C10orf143: variants seen among roughly 807,000 people sequenced by gnomAD.
The protein encoded by C10orf143 is uncharacterized protein C10orf143.
chr10:130,108,824 A>T (rs937718873), intron 1 of C10orf143, among the ~76,000 whole-genome samples: 23 of 152,332 alleles, frequency 1.5e-4, no homozygotes, highest in African/African-American at 5.5e-4. Flanking sequence ...AATAAATTTT[A>T]GTTGATTAAA....
intron 3 of C10orf143, among the ~76,000 whole-genome samples, chr10:130,069,083 G>A (rs1246972683): frequency 6.6e-6 from 1 of 152,118 alleles, no homozygotes; most frequent in Non-Finnish European, 1.5e-5. Context: ...AACCCAAAGG[G>A]ATCCACACCT....
chr10:130,051,192 G>T (rs1397895601), intron 3 of C10orf143, among the ~76,000 whole-genome samples: 1 of 151,898 alleles, frequency 6.6e-6, no homozygotes, highest in Admixed American at 6.6e-5. Flanking sequence ...AACGGTGACC[G>T]TTGTGCTCAC....
chr10:130,038,826 T>C (rs1209056014), intron 3 of C10orf143, among the ~76,000 whole-genome samples: 1 of 152,150 alleles, frequency 6.6e-6, no homozygotes, highest in Non-Finnish European at 1.5e-5. Flanking sequence ...CGACTGTGTA[T>C]GCTTTTTCCT....
chr10:130,061,116 A>G (rs1032190732), downstream of C10orf143, among the ~76,000 whole-genome samples: 1 of 152,196 alleles, frequency 6.6e-6, no homozygotes, highest in African/African-American at 2.4e-5. Context: ...CAGCCTGGGT[A>G]ACAGGAGTGG....
chr10:130,087,883 C>G (rs1283540016), intron 1 of C10orf143, among the ~76,000 whole-genome samples: 1 of 152,208 alleles, frequency 6.6e-6, no homozygotes, highest in Non-Finnish European at 1.5e-5. Flanking sequence ...AGCCTCCGCT[C>G]TGGGCTCAAG....
At chr10:130,063,452 A>AGTCATAGCTCTGGGATCTTACCC (rs1401502329), downstream of C10orf143, among the ~76,000 whole-genome samples, 1 of 152,154 alleles carries the variant, frequency 6.6e-6, no homozygotes, top group African/African-American at 2.4e-5. Flanking sequence ...TTTTTGATCG[A>AGTCATAGCTCTGGGATCTTACCC]GTCATAGCTC....
Position 130,110,757 on chromosome 10 carries a change from G to A in C10orf143, c.16C>T (p.Leu6Phe), listed in dbSNP as rs368762619. MDSLA[L>F]GRWRQRRAED... ...GCCCTCCGCTGTCGCCAGCGGCCGA[G>A]CGCTAAGCTGTCCATGCAGCCCCAG... The change falls in exon 1 of 4, where the codon CTC becomes TTC. Residue 6 changes from leucine (L) to phenylalanine (F), a missense_variant. Leu to Phe is a conservative substitution (Grantham distance 22). Transcript: ENST00000637128. The A allele has an allele frequency of 5.3e-5, 21 of 398,974 alleles. No homozygotes were observed. The East Asian group carries it at 5.3e-4, about 10-fold the overall frequency. The allele number at this position is 398,974 out of a possible 1,614,324, so 24.7% of individuals were successfully genotyped here. A position where few individuals can be genotyped will look rare whatever the true frequency, so the allele number is the denominator to read the frequency against.
chr10:130,035,359 T>C (rs2134716685), intron 4 of C10orf143, among the ~76,000 whole-genome samples: 1 of 152,306 alleles, frequency 6.6e-6, no homozygotes, highest in South Asian at 2.1e-4. Context: ...AAAGACCTCA[T>C]TTAACCTTTG....
chr10:130,064,450 T>C (rs1441904570), intron 3 of C10orf143, 67 bp from the exon 4 acceptor site: 1 of 398,208 alleles, frequency 2.5e-6, no homozygotes, highest in Non-Finnish European at 4.4e-6. Context: ...ACCTTGGCTA[T>C]ATATACATTT....
In C10orf143 at chr10:130,110,767, G is replaced by A; in HGVS notation, c.6C>T (p.Asp2=). The part of the protein sequence containing the change: M[D]SLALGRWRQR... ...GTCGCCAGCGGCCGAGCGCTAAGCTGTCCATGCAGCCCCAGGGTCAAACCC... is the reference window on the plus strand; with the variant it reads ...GTCGCCAGCGGCCGAGCGCTAAGCTATCCATGCAGCCCCAGGGTCAAACCC... Residue 2 remains aspartate (D), a synonymous_variant, in exon 1 of 4, where the codon GAC becomes GAT. Coordinates refer to ENST00000637128, the MANE Select transcript of C10orf143 (RefSeq NM_001355042.2). 2.5e-6 allele frequency: 1 copy of A among 398,962 alleles called. No homozygotes were observed. The highest frequency in any genetic ancestry group is 3.6e-5 in the East Asian group (1 of 28,066). The allele number at this position is 398,962 out of a possible 1,614,324, so 24.7% of individuals were successfully genotyped here.
chr10:130,042,735 G>A (rs1006692770), intron 3 of C10orf143, among the ~76,000 whole-genome samples: 9 of 152,228 alleles, frequency 5.9e-5, no homozygotes, highest in African/African-American at 2.2e-4. Context: ...CGTCTGGAGA[G>A]CCTATATTCG....
intron 1 of C10orf143, among the ~76,000 whole-genome samples, chr10:130,094,796 A>C (rs1209430267): frequency 6.6e-6 from 1 of 152,228 alleles, no homozygotes; most frequent in Non-Finnish European, 1.5e-5. Context: ...AGCTGGAAGC[A>C]TTCCCTTTGA....
intron 1 of C10orf143, chr10:130,108,294 A>G (rs552448018): frequency 1.3e-6 from 2 of 1,569,118 alleles, no homozygotes; most frequent in South Asian, 1.1e-5. Flanking sequence ...GCAATGAGAA[A>G]TGTCTATCCA....
At chr10:130,085,745 G>C (rs562750782) in intron 1 of C10orf143, among the ~76,000 whole-genome samples, 1 of 151,734 alleles carries the variant, frequency 6.6e-6, no homozygotes, top group East Asian at 1.9e-4. Flanking sequence ...CAACCTTTCT[G>C]TATGTCTAAA....
At chr10:130,098,343 A>C (rs911464978) in intron 1 of C10orf143, among the ~76,000 whole-genome samples, 9 of 152,166 alleles carry the variant, frequency 5.9e-5, no homozygotes, top group African/African-American at 2.2e-4. Flanking sequence ...AACAAAAAAA[A>C]CTCTAAACCT....
downstream of C10orf143, among the ~76,000 whole-genome samples, chr10:130,062,225 C>T (rs1018372826): frequency 6.6e-6 from 1 of 152,174 alleles, no homozygotes; most frequent in African/African-American, 2.4e-5. Context: ...TCTGGAAAAT[C>T]CAGCACCTGG....
chr10:130,085,874 T>G (rs1861283802), intron 1 of C10orf143, among the ~76,000 whole-genome samples: 1 of 152,196 alleles, frequency 6.6e-6, no homozygotes, highest in Non-Finnish European at 1.5e-5. Context: ...CTGTTTCTAA[T>G]TATTCTCCTT....
intron 4 of C10orf143, among the ~76,000 whole-genome samples, chr10:130,035,430 C>T (rs1246382801): frequency 2.0e-5 from 3 of 152,162 alleles, no homozygotes; most frequent in Admixed American, 6.5e-5. Flanking sequence ...GTTAGGATAT[C>T]GATACATGAA....
chr10:130,055,813 G>A (rs780487914), intron 3 of C10orf143, among the ~76,000 whole-genome samples: 1 of 151,894 alleles, frequency 6.6e-6, no homozygotes, highest in Non-Finnish European at 1.5e-5. Context: ...GGATGTGGTG[G>A]TGCGGGCCTG....
Sources: allele counts gnomAD v4.1 joint callset (sites outside exome capture counted in the v4.1 genomes callset), GRCh38; gene constraint gnomAD v4.1.1; transcripts MANE v1.5; gene names NCBI Gene and HGNC (gene_info 2026-07-23, HGNC 2026-07-21).